SLC2A10: variants seen among roughly 807,000 people sequenced by gnomAD.
SLC2A10 encodes the protein solute carrier family 2 member 10.
In SLC2A10, 25 loss-of-function variants were observed where a neutral mutation model predicts 32.1. The observed-to-expected ratio is 0.78, with a 90% CI of 0.57 to 1.09. The LOEUF (loss-of-function observed/expected upper bound fraction) is 1.09. Among genes scored for constraint, SLC2A10 ranks in the 50% least tolerant of loss-of-function variants. SLC2A10 has a pLI of 0.00. For missense variants in SLC2A10, 673 were observed against 686.5 expected (o/e 0.98, Z 0.22); for synonymous variants, 332 against 309.6 (o/e 1.07, Z -0.76).
chr20:46,712,387 A>G (rs1309138063), intron 1 of SLC2A10, among the ~76,000 whole-genome samples: 1 of 152,038 alleles, frequency 6.6e-6, no homozygotes, highest in Non-Finnish European at 1.5e-5. Flanking sequence ...GCAGCTGGAG[A>G]TACTTGCATC....
chr20:46,729,628 T>G (rs917876823), intron 4 of SLC2A10, 140 bp downstream of exon 4: 11 of 91,102 alleles, frequency 1.2e-4, no homozygotes, highest in African/African-American at 1.9e-4. Flanking sequence ...ACTATGAGTT[T>G]TTTTTTTTTT....
intron 4 of SLC2A10, among the ~76,000 whole-genome samples, chr20:46,732,078 C>A (rs778349662): frequency 5.3e-5 from 8 of 152,318 alleles, no homozygotes; most frequent in Middle Eastern, 6.8e-3. Flanking sequence ...ACTTATTCTG[C>A]ATCCCTGTGC....
In SLC2A10 at chr20:46,727,161, G is replaced by GTTTTACATCA. The variant is rs199896452; in HGVS notation, c.1411+175_1411+176insTTTTACATCA. Among the ~76,000 whole-genome samples, 7,078 of 152,204 alleles carry GTTTTACATCA rather than the reference G, an allele frequency of 0.047. 225 individuals carry two copies. The highest frequency in any genetic ancestry group is 0.074 in the Non-Finnish European group (5,028 of 68,008). ...CTCATATGCACTGTAAAACTCCCCA[G>GTTTTACATCA]GCCAGCTAATGGGTGATGGTCTACA... On this transcript the variant is annotated intron_variant, in intron 3 of 4. Coordinates refer to ENST00000359271, the MANE Select transcript of SLC2A10 (RefSeq NM_030777.4).
chr20:46,731,464 G>A (rs1020815102), intron 4 of SLC2A10, among the ~76,000 whole-genome samples: 4 of 152,208 alleles, frequency 2.6e-5, no homozygotes, highest in Non-Finnish European at 5.9e-5. Flanking sequence ...TGCCACACTG[G>A]TTTTCTTGGG....
At chr20:46,722,132 TA>T (rs3091944) in intron 1 of SLC2A10, among the ~76,000 whole-genome samples, 42,969 of 150,322 alleles carry the variant, frequency 0.29, 7,069 homozygotes, top group East Asian at 0.58. Flanking sequence ...GGTTTCTCTT[TA>T]AAAAAAAAAC....
intron 1 of SLC2A10, among the ~76,000 whole-genome samples, chr20:46,711,335 T>C (rs1248965723): frequency 1.3e-5 from 2 of 152,270 alleles, no homozygotes; most frequent in East Asian, 3.9e-4. Flanking sequence ...GAGGAGAAGC[T>C]GGGAAGGAGC....
chr20:46,728,716 C>CAA (rs1980115983), intron 3 of SLC2A10, among the ~76,000 whole-genome samples: 1 of 149,566 alleles, frequency 6.7e-6, no homozygotes, highest in South Asian at 2.1e-4. Flanking sequence ...CTCCGGGGCT[C>CAA]AAACAATCCT....
intron 1 of SLC2A10, among the ~76,000 whole-genome samples, chr20:46,713,253 T>C (rs956374404): frequency 6.6e-6 from 1 of 151,686 alleles, no homozygotes; most frequent in Non-Finnish European, 1.5e-5. Context: ...ATGTAAAATA[T>C]GTAGTTATTT....
At position 46,725,489 on chromosome 20, in the gene SLC2A10, T is replaced by C. The variant is rs1226800960; in HGVS notation, c.453T>C (p.Tyr151=). 1 of 1,614,166 alleles carries C rather than the reference T, an allele frequency of 6.2e-7. No individual in the cohort carries two copies. The highest frequency in any genetic ancestry group is 1.1e-5 in the South Asian group (1 of 91,084). Residue 151 remains tyrosine, a synonymous_variant, in exon 2 of 5, where the codon TAT becomes TAC. Coordinates refer to ENST00000359271, the MANE Select transcript of SLC2A10 (RefSeq NM_030777.4). ...AGITVGILLS[Y]ALNYALAGTP... The stretch of plus-strand genomic sequence containing the variant: ...TCACCGTGGGCATCCTGCTCTCCTA[T>C]GCCCTCAACTATGCACTGGCTGGTA...
intron 1 of SLC2A10, among the ~76,000 whole-genome samples, chr20:46,719,045 G>A (rs1301914413): frequency 6.6e-6 from 1 of 152,210 alleles, no homozygotes; most frequent in Non-Finnish European, 1.5e-5. Flanking sequence ...GCCTCCCAAA[G>A]CGATGAGATT....
chr20:46,717,239 C>T (rs1221374138), intron 1 of SLC2A10, among the ~76,000 whole-genome samples: 1 of 151,994 alleles, frequency 6.6e-6, no homozygotes, highest in African/African-American at 2.4e-5. Context: ...AAAAAAAACC[C>T]ACCCCATAAT....
At position 46,735,110 on chromosome 20, in the gene SLC2A10, G is replaced by A. The variant is rs1204590772; in HGVS notation, c.*1276G>A. 6.6e-6 allele frequency: 1 copy of A among 152,650 alleles called. No homozygotes were observed. Among genetic ancestry groups the A allele is most frequent in the Non-Finnish European group, 1.5e-5 (1 of 68,066 alleles). 9.5% of individuals were successfully genotyped at this position (152,650 alleles called of 1,614,324 possible). A position where few individuals can be genotyped will look rare whatever the true frequency, so the allele number is the denominator to read the frequency against. On this transcript the variant is annotated 3_prime_UTR_variant, in exon 5 of 5. Transcript: ENST00000359271. ...GTCAGGGTGAATCAGATGGGGGACTGAGCAAGTAGCTATGACTGCAGATCA... is the reference window on the plus strand; with the variant it reads ...GTCAGGGTGAATCAGATGGGGGACTAAGCAAGTAGCTATGACTGCAGATCA...
At chr20:46,722,379 C>A (rs927822884) in intron 1 of SLC2A10, among the ~76,000 whole-genome samples, 1 of 152,162 alleles carries the variant, frequency 6.6e-6, no homozygotes, top group Non-Finnish European at 1.5e-5. Flanking sequence ...GCCACAAGAC[C>A]GTGGATTCCC....
At position 46,733,756 on chromosome 20, in the gene SLC2A10, G is replaced by T. The variant is rs116344406; in HGVS notation, c.1548G>T (p.Arg516=). Residue 516 remains arginine, a splice_region_variant and synonymous_variant, in exon 5 of 5, where the codon CGG becomes CGT. Coordinates refer to ENST00000359271, the MANE Select transcript of SLC2A10 (RefSeq NM_030777.4). ...AEIDQQFQKR[R]FTLSFGHRQN... ...ATCCCACGCATTCTTTGTCTGACAG[G>T]TTCACCCTGAGCTTTGGCCACAGGC... The T allele has an allele frequency of 4.6e-4, 749 of 1,614,000 alleles. 1 individual carries two copies. In the African/African-American group the frequency reaches 7.5e-3, roughly 16 times the overall value.
At chr20:46,710,499 A>G in intron 1 of SLC2A10, 1 of 153,312 alleles carries the variant, frequency 6.5e-6, no homozygotes, top group Non-Finnish European at 1.5e-5. Context: ...GAGAGAGATA[A>G]GGTGTTGTGG....
chr20:46,726,575 G>A (rs1376756710), intron 2 of SLC2A10, among the ~76,000 whole-genome samples: 1 of 152,160 alleles, frequency 6.6e-6, no homozygotes, highest in African/African-American at 2.4e-5. Flanking sequence ...TTAAAGCCCG[G>A]ATAGCTCACA....
intron 1 of SLC2A10, among the ~76,000 whole-genome samples, chr20:46,711,691 A>G (rs1311661368): frequency 6.6e-6 from 1 of 152,140 alleles, no homozygotes; most frequent in African/African-American, 2.4e-5. Flanking sequence ...TCCTCCCCAG[A>G]ATTCTTACAC....
rs1568977422 is a variant in SLC2A10 at position 46,709,722 on chromosome 20, C to CGAGTCCCGCTCGCCATGGGT, written c.-14_4+2dup. The CGAGTCCCGCTCGCCATGGGT allele has an allele frequency of 6.5e-6, 10 of 1,545,388 alleles. No homozygotes were observed. The Admixed American group carries it at 1.6e-4, about 24-fold the overall frequency. ...CCCCTCAGCGCCCCCAGCACGCCGC[C>CGAGTCCCGCTCGCCATGGGT]GAGTCCCGCTCGCCATGGGTAAGTC... On this transcript the variant is annotated 5_prime_UTR_variant, in exon 1 of 5. The change creates a new upstream start codon in the 5' untranslated region. Coordinates refer to ENST00000359271, the MANE Select transcript of SLC2A10 (RefSeq NM_030777.4).
Position 46,725,705 on chromosome 20 carries a change from G to A in SLC2A10, c.669G>A (p.Arg223=), listed in dbSNP as rs147083578. Residue 223 remains arginine, a synonymous_variant, in exon 2 of 5, where the codon AGG becomes AGA. Transcript: ENST00000359271. ...GGTACTCCTTTCTGGACCTCTTCAG[G>A]GCACGCGATAACATGCGAGGCCGGA... ...RPRYSFLDLF[R]ARDNMRGRTT... is the part of the protein sequence containing the mutation. 1 of 1,614,072 alleles carries A rather than the reference G, an allele frequency of 6.2e-7. No individual in the cohort carries two copies.
Sources: gnomAD v4.1 joint callset for allele counts (sites outside exome capture counted in the v4.1 genomes callset) on GRCh38, gnomAD v4.1.1 for gene constraint, MANE v1.5 for transcripts, NCBI Gene and HGNC (gene_info 2026-07-23, HGNC 2026-07-21) for gene names.